The following SLC23A1 variants were observed in gnomAD, a reference collection of about 807,000 sequenced individuals.
The protein encoded by SLC23A1 is solute carrier family 23 member 1.
Under a neutral mutation model 62.5 loss-of-function variants are expected in SLC23A1, and 31 were observed. The observed-to-expected ratio is 0.50, with a 90% CI of 0.37 to 0.67. The LOEUF (loss-of-function observed/expected upper bound fraction) is 0.67, where lower values mean the gene tolerates loss of function less well. Among genes scored for constraint, SLC23A1 ranks in the 30% least tolerant of loss-of-function variants. The pLI is 0.00. For synonymous variants in SLC23A1, 271 were observed against 313.2 expected (o/e 0.87, Z 1.42); for missense variants, 640 against 782.7 (o/e 0.82, Z 2.18).
intron 3 of SLC23A1, among the ~76,000 whole-genome samples, chr5:139,381,654 C>T (rs528696303): frequency 2.8e-4 from 42 of 149,838 alleles, no homozygotes; most frequent in Admixed American, 6.0e-4. Context: ...GGAGAGCCAG[C>T]GAGGGTACAA....
At position 139,372,205 on chromosome 5, in the gene SLC23A1, G is replaced by C; in HGVS notation, c.1598C>G (p.Ala533Gly). 1.9e-6 allele frequency: 3 copies of C among 1,612,638 alleles called. No homozygotes were observed. The highest frequency in any genetic ancestry group is 2.5e-6 in the Non-Finnish European group (3 of 1,178,630). ...GAGGCTGGAAGACATGTCACTGTTG[G>C]CATGAGCCCCAGCTTTCCACTGTAT... is the stretch of plus-strand genomic sequence containing the variant. Reference protein sequence around the residue: ...GLIQWKAGAHANSDMSSSLKS... With the variant: ...GLIQWKAGAHGNSDMSSSLKS... The change falls in exon 14 of 15, where the codon GCC (alanine) becomes GGC (glycine). Residue 533 changes from alanine (A) to glycine (G), a missense_variant. By Grantham distance (60) the Ala-to-Gly change is moderately conservative. Transcript: ENST00000348729.
At chr5:139,383,178 C>G (rs1758368070) in intron 1 of SLC23A1, 40 bp downstream of exon 1, 2 of 260,296 alleles carry the variant, frequency 7.7e-6, no homozygotes, top group Non-Finnish European at 1.3e-5. Flanking sequence ...GCCCCCCACC[C>G]CCCCTGCCCC....
At chr5:139,368,799 G>A (rs1757466702) in intron 14 of SLC23A1, 1 of 1,606,660 alleles carries the variant, frequency 6.2e-7, no homozygotes, top group Non-Finnish European at 8.5e-7. Flanking sequence ...AAATATTTGA[G>A]TAGACGGGGC....
chr5:139,367,797 C>G (rs914915564), intron 14 of SLC23A1, among the ~76,000 whole-genome samples, 166 bp from the exon 15 acceptor site: 1 of 152,162 alleles, frequency 6.6e-6, no homozygotes, highest in African/African-American at 2.4e-5. Context: ...TACCATAGTT[C>G]GATTAACAGA....
chr5:139,371,888 T>A, intron 14 of SLC23A1, 99 bp downstream of exon 14: 2 of 908,162 alleles, frequency 2.2e-6, no homozygotes, highest in Non-Finnish European at 3.4e-6. Flanking sequence ...TCAAACAGTT[T>A]ACAAGAAAGA....
intron 14 of SLC23A1, chr5:139,369,481 T>G (rs1394779095): frequency 1.0e-5 from 1 of 96,888 alleles, no homozygotes; most frequent in Non-Finnish European, 2.0e-5. Context: ...ATAATCCAGC[T>G]GAACAAAGAT....
In SLC23A1 at chr5:139,372,077, T is replaced by C; in HGVS notation, c.1726A>G (p.Lys576Glu). 1 of 1,613,134 alleles carries C rather than the reference T, an allele frequency of 6.2e-7. No homozygotes were observed. The highest frequency in any genetic ancestry group is 8.5e-7 in the Non-Finnish European group (1 of 1,179,028). Residue 576 changes from lysine to glutamate, a missense_variant, in exon 14 of 15, where the codon AAA (lysine) becomes GAA (glutamate). By Grantham distance (56) the Lys-to-Glu change is moderately conservative. Transcript: ENST00000348729. ...PVFKGFSSSS[K>E]DQIAIPEDTP... ...TCTTCTGGAATTGCAATCTGATCTT[T>C]TGAACTTGAAGAAAATCCTTTGAAG... is the stretch of plus-strand genomic sequence containing the variant.
At chr5:139,372,569 TTTTTA>T (rs536577104) in intron 13 of SLC23A1, among the ~76,000 whole-genome samples, 43 of 152,214 alleles carry the variant, frequency 2.8e-4, no homozygotes, top group Admixed American at 1.4e-3. Context: ...ATTGTACAAA[TTTTTA>T]TTTTATTTTA....
In SLC23A1 at chr5:139,379,728, G is replaced by T. The variant is rs1185639165; in HGVS notation, c.875C>A (p.Ala292Asp). 6.2e-7 allele frequency: 1 copy of T among 1,613,988 alleles called. No individual in the cohort carries two copies. The highest frequency in any genetic ancestry group is 8.5e-7 in the Non-Finnish European group (1 of 1,180,000). Residue 292 changes from alanine (A) to aspartate (D), a missense_variant, in exon 8 of 15, where the codon GCC becomes GAC. Physicochemically the swap from Ala to Asp is moderately radical, Grantham distance 126. Transcript: ENST00000348729. The surrounding 1 kb of genome is among the most constrained non-coding windows in gnomAD (Gnocchi z 4.7). ...TGCAATAGCCATGATGTCACCACGG[G>T]CATCGGTTCGTGCCTGGAAGCCATA... The part of the protein sequence containing the change: ...KAYGFQARTD[A>D]RGDIMAIAPW...
Position 139,378,594 on chromosome 5 carries a change from G to A in SLC23A1, c.1164C>T (p.Val388=). ...GSTSSSPNIG[V]LGITKVGSRR... Reference sequence around the variant, plus strand: ...GTCGCGACACCTTGGTAATTCCCAGGACGCCAATGTTGGGACTGGACGAGG... The same window carrying A: ...GTCGCGACACCTTGGTAATTCCCAGAACGCCAATGTTGGGACTGGACGAGG... The change falls in exon 10 of 15, where the codon GTC becomes GTT. Residue 388 remains valine, a synonymous_variant. Coordinates refer to ENST00000348729, the MANE Select transcript of SLC23A1 (RefSeq NM_005847.5). The surrounding 1 kb of genome is among the most constrained non-coding windows in gnomAD (Gnocchi z 4.5). 6.2e-7 allele frequency: 1 copy of A among 1,608,534 alleles called. No homozygotes were observed. Among genetic ancestry groups the A allele is most frequent in the Non-Finnish European group, 8.5e-7 (1 of 1,177,554 alleles).
rs748017626 is a variant in SLC23A1 at position 139,378,266 on chromosome 5, G to A, written c.1265C>T (p.Ser422Leu). 9.3e-6 allele frequency: 15 copies of A among 1,608,544 alleles called. No individual in the cohort carries two copies. The highest frequency in any genetic ancestry group is 1.3e-5 in the African/African-American group (1 of 74,802). Residue 422 changes from serine to leucine, a missense_variant, in exon 11 of 15, where the codon TCG (serine) becomes TTG (leucine). Ser to Leu is a moderately radical substitution (Grantham distance 145). Transcript: ENST00000348729. This position sits in a 1 kb window ranked among gnomAD's most constrained non-coding sequence, Gnocchi z 4.5. ...GCCCCCCAGGATGGGGTCAGGGAGC[G>A]AGGCGAAGAGGGCCGTGAACTTGCC... ...TIGKFTALFA[S>L]LPDPILGGMF... is the part of the protein sequence containing the mutation.
chr5:139,382,620 G>C lies in SLC23A1; in HGVS notation c.37-15C>G, dbSNP rs1419589692. 2.0e-6 allele frequency: 3 copies of C among 1,518,586 alleles called. No homozygotes were observed. The highest frequency in any genetic ancestry group is 1.7e-5 in the Admixed American group (1 of 59,268). The allele number at this position is 1,518,586 out of a possible 1,614,324, so 94.1% of individuals were successfully genotyped here. A position where few individuals can be genotyped will look rare whatever the true frequency, so the allele number is the denominator to read the frequency against. ...GTGGTTTCATGCTGGAGGCAGCAGA[G>C]ATAAGTAGCTTAGGGTGAAGTGATG... On this transcript the variant is annotated splice_polypyrimidine_tract_variant and intron_variant, in intron 1 of 14. Coordinates refer to ENST00000348729, the MANE Select transcript of SLC23A1 (RefSeq NM_005847.5).
intron 2 of SLC23A1, 45 bp downstream of exon 2, chr5:139,382,447 C>G (rs763744414): frequency 2.6e-6 from 3 of 1,151,762 alleles, no homozygotes; most frequent in East Asian, 2.4e-5. Context: ...CTGGAGTCCC[C>G]GGGGAGTGTG....
At chr5:139,385,049 G>C (rs1444257322), upstream of SLC23A1, among the ~76,000 whole-genome samples, 4 of 152,150 alleles carry the variant, frequency 2.6e-5, no homozygotes, top group Non-Finnish European at 4.4e-5. Context: ...CCCTAAGTCT[G>C]AATCCCCTCC....
intron 14 of SLC23A1, among the ~76,000 whole-genome samples, chr5:139,368,523 C>T (rs569427902): frequency 2.0e-5 from 3 of 151,922 alleles, no homozygotes; most frequent in Non-Finnish European, 2.9e-5. Context: ...AGCAAGACTC[C>T]GTCACAAAAA....
At chr5:139,371,815 A>G (rs1757684948) in intron 14 of SLC23A1, among the ~76,000 whole-genome samples, 172 bp downstream of exon 14, 1 of 152,252 alleles carries the variant, frequency 6.6e-6, no homozygotes, top group Non-Finnish European at 1.5e-5. Context: ...GAAATGGTAA[A>G]GGAATTCCAC....
chr5:139,368,182 C>T (rs754454469), intron 14 of SLC23A1, among the ~76,000 whole-genome samples: 1 of 152,086 alleles, frequency 6.6e-6, no homozygotes, highest in Non-Finnish European at 1.5e-5. Flanking sequence ...AAAAATACAA[C>T]AAAAAATTAG....
upstream of SLC23A1, among the ~76,000 whole-genome samples, chr5:139,383,870 G>A (rs1391453789): frequency 2.0e-5 from 3 of 152,342 alleles, no homozygotes; most frequent in Middle Eastern, 6.8e-3. Flanking sequence ...AGGTTGGTCT[G>A]AGCTGCCTTG....
intron 5 of SLC23A1, 83 bp from the exon 6 acceptor site, chr5:139,380,472 A>G (rs1334628710): frequency 1.9e-6 from 3 of 1,594,388 alleles, no homozygotes; most frequent in Non-Finnish European, 2.6e-6. Flanking sequence ...CTCCTGGACC[A>G]CCTCCTCAAA....
Sources: gnomAD v4.1 joint callset for allele counts (sites outside exome capture counted in the v4.1 genomes callset) on GRCh38, gnomAD v4.1.1 for gene constraint, Gnocchi (gnomAD v3.1) non-coding constraint, MANE v1.5 for transcripts, NCBI Gene and HGNC (gene_info 2026-07-23, HGNC 2026-07-21) for gene names.